The following RYK variants were observed in gnomAD, a reference collection of about 807,000 sequenced individuals.
RYK encodes the protein inactive tyrosine-protein kinase RYK.
In RYK, 21 loss-of-function variants were observed where a neutral mutation model predicts 70.2. The observed-to-expected ratio is 0.30, with a 90% CI of 0.21 to 0.43. The LOEUF (loss-of-function observed/expected upper bound fraction) is 0.43, where lower values mean the gene tolerates loss of function less well. Among genes scored for constraint, RYK ranks in the 20% least tolerant of loss-of-function variants. RYK has a pLI of 1.00. For synonymous variants in RYK, 267 were observed against 278.0 expected, an observed-to-expected ratio of 0.96 and a Z score of 0.39; for missense variants, 604 against 753.3, an observed-to-expected ratio of 0.80 and a Z score of 2.32.
chr3:134,217,284 G>C (rs1040109971), intron 2 of RYK, among the ~76,000 whole-genome samples: 1 of 152,166 alleles, frequency 6.6e-6, no homozygotes, highest in African/African-American at 2.4e-5. Flanking sequence ...TAGAGCTTGA[G>C]AGCCACGGCC....
At chr3:134,194,611 A>C (rs184894550) in intron 7 of RYK, among the ~76,000 whole-genome samples, 80 of 152,356 alleles carry the variant, frequency 5.3e-4, no homozygotes, top group African/African-American at 1.8e-3. Context: ...AGTCCAAAAA[A>C]GGAAATCAGA....
chr3:134,238,929 T>A (rs553286578), intron 1 of RYK, among the ~76,000 whole-genome samples: 33 of 152,324 alleles, frequency 2.2e-4, no homozygotes, highest in African/African-American at 7.9e-4. Flanking sequence ...TTTGCCGGAA[T>A]CTCTCTTGAA....
chr3:134,181,064 T>C (rs2013278537), intron 10 of RYK: 1 of 152,238 alleles, frequency 6.6e-6, no homozygotes, highest in South Asian at 2.1e-4. Context: ...ACAGTGAATA[T>C]AAAACCGTTT....
At chr3:134,217,856 T>C (rs760828652) in intron 2 of RYK, among the ~76,000 whole-genome samples, 63 of 152,190 alleles carry the variant, frequency 4.1e-4, no homozygotes, top group Non-Finnish European at 7.5e-4. Flanking sequence ...TATTATCTAC[T>C]CATAAGATTA....
chr3:134,203,911 T>A (rs1316896209), intron 5 of RYK, among the ~76,000 whole-genome samples: 1 of 152,172 alleles, frequency 6.6e-6, no homozygotes, highest in East Asian at 1.9e-4. Context: ...TTAATTTTAC[T>A]TCACTGTAAT....
intron 13 of RYK, among the ~76,000 whole-genome samples, chr3:134,174,180 C>T (rs572308181): frequency 2.4e-4 from 37 of 152,276 alleles, no homozygotes; most frequent in African/African-American, 8.7e-4. Context: ...CTGAAAGAGG[C>T]AAGGACTGCT....
intron 1 of RYK, among the ~76,000 whole-genome samples, chr3:134,234,079 C>A (rs2015138462): frequency 1.3e-5 from 2 of 152,048 alleles, no homozygotes; most frequent in East Asian, 3.9e-4. Flanking sequence ...TGCTTTTATT[C>A]TTTTTCTTCT....
Position 134,250,460 on chromosome 3 carries a change from A to T in RYK, c.195T>A (p.Ser65Arg). 1 of 1,394,898 alleles carries T rather than the reference A, an allele frequency of 7.2e-7. No individual in the cohort carries two copies. Among genetic ancestry groups the T allele is most frequent in the East Asian group, 3.1e-5 (1 of 32,022 alleles). 86.4% of individuals were successfully genotyped at this position (1,394,898 alleles called of 1,614,324 possible). The part of the protein sequence containing the change: ...LQSASAGPSV[S>R]LYLSEDEVRR... ...GCACCTCGTCCTCGCTCAGGTAGAG[A>T]CTCACGCTGGGCCCCGCGGAAGCCG... Residue 65 changes from serine to arginine, a missense_variant, in exon 1 of 15, where the codon AGT (serine) becomes AGA (arginine). By Grantham distance (110) the Ser-to-Arg change is moderately radical. Transcript: ENST00000623711.
intron 9 of RYK, among the ~76,000 whole-genome samples, chr3:134,188,254 G>A (rs536440791): frequency 4.9e-4 from 73 of 150,240 alleles, no homozygotes; most frequent in Non-Finnish European, 9.0e-4. Flanking sequence ...TCCGCCTCTC[G>A]GGTTCAAGCA....
At chr3:134,194,854 C>T (rs1261830220) in intron 7 of RYK, among the ~76,000 whole-genome samples, 1 of 152,124 alleles carries the variant, frequency 6.6e-6, no homozygotes, top group Admixed American at 6.5e-5. Flanking sequence ...GGAAATCTCC[C>T]GAAAGCCACA....
In RYK at chr3:134,162,838, C is replaced by A. The variant is rs542031224; in HGVS notation, c.1576-3465G>T. On this transcript the variant is annotated intron_variant, in intron 13 of 14. Transcript: ENST00000623711. ...ATGAAACTGGTCGGAAGGGTGCTCC[C>A]ATCCCTTCCTCCAGAGATGAAATGA... Among the ~76,000 whole-genome samples, 12 of 152,296 alleles carry A rather than the reference C, an allele frequency of 7.9e-5. No homozygotes were observed. The East Asian group carries it at 2.1e-3, about 27-fold the overall frequency.
chr3:134,235,679 C>T (rs949075454), intron 1 of RYK, among the ~76,000 whole-genome samples: 10 of 152,026 alleles, frequency 6.6e-5, no homozygotes, highest in East Asian at 1.9e-4. Flanking sequence ...GTTTCAAATA[C>T]GACAACAGCA....
chr3:134,185,878 C>A (rs1207531829), intron 9 of RYK, among the ~76,000 whole-genome samples: 2 of 152,092 alleles, frequency 1.3e-5, no homozygotes, highest in African/African-American at 4.8e-5. Flanking sequence ...AAGCAAAGGA[C>A]ACTTGAATGA....
At chr3:134,217,953 C>G (rs1346348244) in intron 2 of RYK, among the ~76,000 whole-genome samples, 1 of 152,112 alleles carries the variant, frequency 6.6e-6, no homozygotes, top group East Asian at 1.9e-4. Flanking sequence ...GTGGCTGAAG[C>G]CTGAAACTAG....
chr3:134,205,441 C>G (rs955035532), intron 5 of RYK, among the ~76,000 whole-genome samples: 2 of 152,190 alleles, frequency 1.3e-5, no homozygotes, highest in African/African-American at 4.8e-5. Flanking sequence ...GAAGGCATGA[C>G]TTTCATCAAG....
Position 134,250,687 on chromosome 3 carries a change from G to GGCCGCCCGCCGCACC in RYK, c.-48_-34dup, listed in dbSNP as rs1169292185. The GGCCGCCCGCCGCACC allele has an allele frequency of 2.1e-6, 2 of 970,138 alleles. No individual in the cohort carries two copies. The highest frequency in any genetic ancestry group is 3.6e-5 in the African/African-American group (2 of 56,272). The allele number at this position is 970,138 out of a possible 1,614,324, so 60.1% of individuals were successfully genotyped here. ...GCCGCCGCCGCCGAAGAGGAGCGTC[G>GGCCGCCCGCCGCACC]GCCGCCCGCCGCACCGCCGCCCACC... On this transcript the variant is annotated 5_prime_UTR_variant, in exon 1 of 15. Transcript: ENST00000623711.
At chr3:134,223,696 T>C (rs1329897180) in intron 1 of RYK, among the ~76,000 whole-genome samples, 8 of 152,200 alleles carry the variant, frequency 5.3e-5, no homozygotes, top group Admixed American at 5.2e-4. Flanking sequence ...TTCTCTTGAA[T>C]TGATTTACTG....
intron 13 of RYK, among the ~76,000 whole-genome samples, chr3:134,169,944 T>TGTA (rs2012834292): frequency 6.6e-6 from 1 of 152,208 alleles, no homozygotes; most frequent in African/African-American, 2.4e-5. Flanking sequence ...AATGACTGTG[T>TGTA]GTACACATTT....
At chr3:134,158,841 C>A (rs545277267) in intron 14 of RYK, among the ~76,000 whole-genome samples, 1 of 152,296 alleles carries the variant, frequency 6.6e-6, no homozygotes, top group East Asian at 1.9e-4. Flanking sequence ...CCTGTATTAG[C>A]TGATACTAAC....
Sources: allele counts gnomAD v4.1 joint callset (sites outside exome capture counted in the v4.1 genomes callset), GRCh38; gene constraint gnomAD v4.1.1; transcripts MANE v1.5; gene names NCBI Gene and HGNC (gene_info 2026-07-23, HGNC 2026-07-21).